UBE3C: variants seen among roughly 807,000 people sequenced by gnomAD.
The protein encoded by UBE3C is ubiquitin protein ligase E3C, also known as ubiquitin-protein ligase E3C.
UBE3C carries 42 observed loss-of-function variants against 129.4 expected under a neutral mutation model. The observed-to-expected ratio is 0.32, with a 90% CI of 0.25 to 0.42. UBE3C has a LOEUF of 0.42. Among genes scored for constraint, UBE3C ranks in the 10% least tolerant of loss-of-function variants. UBE3C has a pLI of 1.00. For missense variants in UBE3C, 1,049 were observed against 1,319.1 expected, an observed-to-expected ratio of 0.80 and a Z score of 3.17; for synonymous variants, 510 against 492.4, an observed-to-expected ratio of 1.04 and a Z score of -0.47.
At chr7:157,252,247 ATACAAG>A (rs1796638079) in intron 19 of UBE3C, among the ~76,000 whole-genome samples, 1 of 152,212 alleles carries the variant, frequency 6.6e-6, no homozygotes, top group African/African-American at 2.4e-5. Flanking sequence ...CTTCCAAATC[ATACAAG>A]TACATCATCA....
At chr7:157,220,017 T>C (rs939739488) in intron 14 of UBE3C, among the ~76,000 whole-genome samples, 1 of 151,844 alleles carries the variant, frequency 6.6e-6, no homozygotes, top group African/African-American at 2.4e-5. Flanking sequence ...TCAAGACCAG[T>C]CTGGGCAAGA....
intron 13 of UBE3C, among the ~76,000 whole-genome samples, chr7:157,216,422 C>T (rs117706819): frequency 9.5e-4 from 143 of 150,916 alleles, no homozygotes; most frequent in East Asian, 7.2e-3. Flanking sequence ...AACATGTCAT[C>T]GGAGTTTGTT....
At chr7:157,183,431 CA>C (rs1273946383) in intron 8 of UBE3C, among the ~76,000 whole-genome samples, 1 of 152,182 alleles carries the variant, frequency 6.6e-6, no homozygotes, top group Non-Finnish European at 1.5e-5. Context: ...ACACTCTCGG[CA>C]CCTCCCTGTG....
intron 2 of UBE3C, among the ~76,000 whole-genome samples, chr7:157,166,406 T>C (rs1808213735): frequency 6.6e-6 from 1 of 152,254 alleles, no homozygotes; most frequent in Admixed American, 6.5e-5. Context: ...GACTTCTTTG[T>C]ATTTTTCAGA....
At position 157,187,032 on chromosome 7, in the gene UBE3C, G is replaced by A. The variant is rs376039374; in HGVS notation, c.1331+11G>A. 1.1e-4 allele frequency: 175 copies of A among 1,582,468 alleles called. No homozygotes were observed. Among genetic ancestry groups the A allele is most frequent in the Admixed American group, 3.5e-4 (19 of 54,810 alleles). ...GGTACCCAAAGTCAGGCAAGTGTCCGTGGGCGTCTGTGCCAGGGGGTGCCA... is the reference window on the plus strand; with the variant it reads ...GGTACCCAAAGTCAGGCAAGTGTCCATGGGCGTCTGTGCCAGGGGGTGCCA... On this transcript the variant is annotated intron_variant, in intron 10 of 22. Coordinates refer to ENST00000348165, the MANE Select transcript of UBE3C (RefSeq NM_014671.3).
chr7:157,207,288 C>A (rs2117006415), intron 11 of UBE3C, 110 bp from the exon 12 acceptor site: 1 of 1,439,858 alleles, frequency 6.9e-7, no homozygotes, highest in Non-Finnish European at 9.4e-7. Context: ...ATTCCTAATG[C>A]AAATGTTACT....
chr7:157,239,224 G>A (rs1324823335), intron 18 of UBE3C, among the ~76,000 whole-genome samples: 1 of 152,184 alleles, frequency 6.6e-6, no homozygotes, highest in Admixed American at 6.5e-5. Flanking sequence ...AAAGCATAAT[G>A]ATAATAAATA....
intron 22 of UBE3C, 54 bp from the exon 23 acceptor site, chr7:157,267,531 T>G: frequency 6.3e-7 from 1 of 1,598,396 alleles, no homozygotes; most frequent in Non-Finnish European, 8.5e-7. Flanking sequence ...GTATTAAAAC[T>G]CATGTAATGC....
chr7:157,140,683 C>T (rs1807418653), intron 1 of UBE3C, among the ~76,000 whole-genome samples: 1 of 152,138 alleles, frequency 6.6e-6, no homozygotes, highest in Non-Finnish European at 1.5e-5. Context: ...GACTCCATGC[C>T]ATTTACACAG....
Position 157,175,031 on chromosome 7 carries a change from G to T in UBE3C, c.455G>T (p.Cys152Phe), listed in dbSNP as rs763664474. ...FQIKRLMSLC[C>F]RLLQNCNDDS... Reference sequence around the variant, plus strand: ...ATAAAAAGATTGATGAGCCTCTGTTGCAGGTAAAATTCTATTGTAAGTCAG... The same window carrying T: ...ATAAAAAGATTGATGAGCCTCTGTTTCAGGTAAAATTCTATTGTAAGTCAG... Residue 152 changes from cysteine (C) to phenylalanine (F), a missense_variant, in exon 5 of 23, where the codon TGC (cysteine) becomes TTC (phenylalanine). Cys to Phe is a radical substitution (Grantham distance 205). This residue lies in a region of UBE3C where 489 missense variants were observed against 513.8 expected (regional missense o/e 0.95). Coordinates refer to ENST00000348165, the MANE Select transcript of UBE3C (RefSeq NM_014671.3). 1.2e-6 allele frequency: 2 copies of T among 1,608,926 alleles called. No homozygotes were observed. The highest frequency in any genetic ancestry group is 2.2e-5 in the South Asian group (2 of 90,054).
rs2116618440 is a variant in UBE3C at position 157,223,250 on chromosome 7, T to G, written c.2003-4T>G. 2 of 1,614,106 alleles carry G rather than the reference T, an allele frequency of 1.2e-6. No homozygotes were observed. The highest frequency in any genetic ancestry group is 1.7e-6 in the Non-Finnish European group (2 of 1,179,974). On this transcript the variant is annotated splice_region_variant and splice_polypyrimidine_tract_variant and intron_variant, in intron 15 of 22. Transcript: ENST00000348165. ...ACTAATTAAGGTTTTAAAATGTGTT[T>G]TAGTGGGTTTGGAGTCCCCGCCGCT... is the stretch of plus-strand genomic sequence containing the variant.
chr7:157,198,258 A>ATT (rs1809178913), intron 10 of UBE3C: 1 of 1,184,974 alleles, frequency 8.4e-7, no homozygotes, highest in South Asian at 1.2e-5. Flanking sequence ...TGTAAATGAC[A>ATT]TTGAGGTGGT....
chr7:157,260,069 A>G (rs906826915), intron 22 of UBE3C, among the ~76,000 whole-genome samples: 1 of 152,068 alleles, frequency 6.6e-6, no homozygotes, highest in African/African-American at 2.4e-5. Flanking sequence ...AGTGAATACC[A>G]TCACTCAATG....
intron 13 of UBE3C, among the ~76,000 whole-genome samples, 177 bp from the exon 14 acceptor site, chr7:157,216,690 T>G (rs983930556): frequency 2.6e-5 from 4 of 152,210 alleles, no homozygotes; most frequent in African/African-American, 9.6e-5. Flanking sequence ...GATAACTGCT[T>G]TGTATACATT....
intron 1 of UBE3C, among the ~76,000 whole-genome samples, chr7:157,143,826 G>T (rs751226917): frequency 6.6e-6 from 1 of 152,118 alleles, no homozygotes; most frequent in South Asian, 2.1e-4. Context: ...TGGTGGCTTC[G>T]AACACAGGTC....
intron 18 of UBE3C, among the ~76,000 whole-genome samples, chr7:157,239,774 A>G (rs1330361617): frequency 6.6e-6 from 1 of 152,218 alleles, no homozygotes; most frequent in East Asian, 1.9e-4. Flanking sequence ...CACACCCTGC[A>G]AAGTGAGGGT....
intron 10 of UBE3C, chr7:157,198,454 A>G (rs1809184718): frequency 6.0e-6 from 3 of 502,660 alleles, no homozygotes; most frequent in South Asian, 2.0e-5. Context: ...CTCGGAGGCC[A>G]CAGCCTGGAA....
chr7:157,195,786 T>C (rs1008942422), intron 10 of UBE3C, among the ~76,000 whole-genome samples: 12 of 152,300 alleles, frequency 7.9e-5, no homozygotes, highest in Non-Finnish European at 1.6e-4. Flanking sequence ...GCTGTAATAA[T>C]GGGTTGTGAC....
intron 1 of UBE3C, among the ~76,000 whole-genome samples, chr7:157,160,105 C>A (rs1408253706): frequency 8.0e-5 from 12 of 149,754 alleles, no homozygotes; most frequent in Non-Finnish European, 1.0e-4. Flanking sequence ...GATGGAGTCT[C>A]GTTCTATCAC....
Sources: allele counts gnomAD v4.1 joint callset (sites outside exome capture counted in the v4.1 genomes callset), GRCh38; gene constraint gnomAD v4.1.1; regional missense constraint gnomAD v4.1.1; transcripts MANE v1.5; gene names NCBI Gene and HGNC (gene_info 2026-07-23, HGNC 2026-07-21).